PAPPA2: variants seen among roughly 807,000 people sequenced by gnomAD.
PAPPA2 encodes the protein pappalysin 2.
A neutral mutation model predicts 176.4 loss-of-function variants in PAPPA2; 86 were observed. That is an observed-to-expected ratio of 0.49 (90% CI 0.41 to 0.58). The LOEUF (loss-of-function observed/expected upper bound fraction) is 0.58, where lower values mean the gene tolerates loss of function less well. Ranked by LOEUF, PAPPA2 falls within the 20% of genes least tolerant of loss-of-function variation. PAPPA2 has a pLI of 0.00. For synonymous variants in PAPPA2, 809 were observed against 852.2 expected, an observed-to-expected ratio of 0.95 and a Z score of 0.88; for missense variants, 2,073 against 2,256.9, an observed-to-expected ratio of 0.92 and a Z score of 1.65.
chr1:176,547,124 T>A (rs1650679484), intron 1 of PAPPA2, among the ~76,000 whole-genome samples: 1 of 152,236 alleles, frequency 6.6e-6, no homozygotes, highest in South Asian at 2.1e-4. Flanking sequence ...TAATATTTCA[T>A]GAATCCTTTG....
chr1:176,560,482 C>T (rs528735801), intron 2 of PAPPA2, among the ~76,000 whole-genome samples: 27 of 152,310 alleles, frequency 1.8e-4, no homozygotes, highest in Admixed American at 9.8e-4. Context: ...TTTCCCATAG[C>T]GGAGACAGAA....
Position 176,693,198 on chromosome 1 carries a change from G to A in PAPPA2, c.2624+880G>A, listed in dbSNP as rs144873735. Among the ~76,000 whole-genome samples the A allele has an allele frequency of 3.3e-5, 5 of 152,294 alleles. No individual in the cohort carries two copies. The East Asian group carries it at 5.8e-4, about 18-fold the overall frequency. ...AACCTACTGCTGTATTCTGAATGACGACAGTCCCTGATCTATTTGTGGCAC... is the reference window on the plus strand; with the variant it reads ...AACCTACTGCTGTATTCTGAATGACAACAGTCCCTGATCTATTTGTGGCAC... On this transcript the variant is annotated intron_variant, in intron 6 of 22. Coordinates refer to ENST00000367662, the MANE Select transcript of PAPPA2 (RefSeq NM_020318.3).
intron 12 of PAPPA2, among the ~76,000 whole-genome samples, chr1:176,728,868 G>A (rs1017943809): frequency 6.6e-6 from 1 of 151,690 alleles, no homozygotes; most frequent in Non-Finnish European, 1.5e-5. Context: ...TACTTTAAAG[G>A]CAATGAGACT....
rs749736695 is a variant in PAPPA2 at position 176,557,206 on chromosome 1, C to T, written c.884C>T (p.Pro295Leu). ...TTCACAGTGGAAGCCTGGGTTAAACCGGAGGGAGGACAGAACAACCCAGCC... is the reference window on the plus strand; with the variant it reads ...TTCACAGTGGAAGCCTGGGTTAAACTGGAGGGAGGACAGAACAACCCAGCC... ...EAFTVEAWVK[P>L]EGGQNNPAII... Residue 295 changes from proline to leucine, a missense_variant, in exon 2 of 23, where the codon CCG (proline) becomes CTG (leucine). By Grantham distance (98) the Pro-to-Leu change is moderately conservative. Transcript: ENST00000367662. 2 of 1,607,268 alleles carry T rather than the reference C, an allele frequency of 1.2e-6. No homozygotes were observed. The highest frequency in any genetic ancestry group is 1.7e-6 in the Non-Finnish European group (2 of 1,177,056).
intron 3 of PAPPA2, among the ~76,000 whole-genome samples, chr1:176,653,044 G>A (rs1262734869): frequency 6.6e-6 from 1 of 151,710 alleles, no homozygotes; most frequent in Non-Finnish European, 1.5e-5. Flanking sequence ...AAATGAAGAT[G>A]TCACTTCTTA....
chr1:176,831,413 G>GA (rs1248800903), intron 21 of PAPPA2, among the ~76,000 whole-genome samples: 1 of 152,192 alleles, frequency 6.6e-6, no homozygotes, highest in East Asian at 1.9e-4. Flanking sequence ...CCTGTGCAGG[G>GA]ATGTTCTGTC....
chr1:176,724,490 G>A (rs1021949682), intron 12 of PAPPA2, among the ~76,000 whole-genome samples: 3 of 152,066 alleles, frequency 2.0e-5, no homozygotes, highest in Non-Finnish European at 4.4e-5. Flanking sequence ...GTTTATTTTC[G>A]TGGCTCCTCT....
At position 176,842,552 on chromosome 1, in the gene PAPPA2, G is replaced by T; in HGVS notation, c.*98G>T. The T allele has an allele frequency of 9.1e-7, 1 of 1,096,398 alleles. No individual in the cohort carries two copies. Among genetic ancestry groups the T allele is most frequent in the Non-Finnish European group, 1.4e-6 (1 of 735,736 alleles). 67.9% of individuals were successfully genotyped at this position (1,096,398 alleles called of 1,614,324 possible). On this transcript the variant is annotated 3_prime_UTR_variant, in exon 23 of 23. Transcript: ENST00000367662. ...AGGGTGAATGAAGAAGAACAATCAT[G>T]AAATGGAAGAAGGAGGAAGAGCATG... is the stretch of plus-strand genomic sequence containing the variant.
intron 3 of PAPPA2, among the ~76,000 whole-genome samples, chr1:176,609,872 T>A (rs1654814765): frequency 6.6e-6 from 1 of 152,184 alleles, no homozygotes; most frequent in Non-Finnish European, 1.5e-5. Flanking sequence ...TAAGTGGAAG[T>A]GTTTGCATTG....
chr1:176,472,336 T>C (rs1651917635), intron 1 of PAPPA2, among the ~76,000 whole-genome samples: 1 of 152,208 alleles, frequency 6.6e-6, no homozygotes, highest in Admixed American at 6.5e-5. Context: ...TTTCAAGCCA[T>C]TGTAATCATT....
Position 176,690,503 on chromosome 1 carries a change from G to A in PAPPA2, c.2431+73G>A, listed in dbSNP as rs977043444. Reference sequence around the variant, plus strand: ...CTTTGAGAGCTGGGAGGGTGGAGGTGTGGGAGCTGATGGGAGAATGATTAA... The same window carrying A: ...CTTTGAGAGCTGGGAGGGTGGAGGTATGGGAGCTGATGGGAGAATGATTAA... On this transcript the variant is annotated intron_variant, in intron 5 of 22. Transcript: ENST00000367662. 3.2e-6 allele frequency: 5 copies of A among 1,569,712 alleles called. No individual in the cohort carries two copies. In the African/African-American group the frequency reaches 5.4e-5, roughly 17 times the overall value.
intron 4 of PAPPA2, among the ~76,000 whole-genome samples, chr1:176,679,185 T>C (rs1659457669): frequency 6.6e-6 from 1 of 152,242 alleles, no homozygotes. Flanking sequence ...GTTGTTCTTC[T>C]GACGTTCCCT....
intron 3 of PAPPA2, among the ~76,000 whole-genome samples, chr1:176,643,918 G>A (rs911896760): frequency 1.3e-5 from 2 of 151,788 alleles, no homozygotes; most frequent in Non-Finnish European, 2.9e-5. Flanking sequence ...ATCTTTCTAG[G>A]CACCAACTCT....
chr1:176,638,290 G>A (rs6670258), intron 3 of PAPPA2, among the ~76,000 whole-genome samples: 37,971 of 151,634 alleles, frequency 0.25, 4,885 homozygotes, highest in South Asian at 0.33. Flanking sequence ...CAAACACAAT[G>A]CACATTAGAA....
At chr1:176,652,777 C>T (rs990064488) in intron 3 of PAPPA2, among the ~76,000 whole-genome samples, 41 of 151,604 alleles carry the variant, frequency 2.7e-4, no homozygotes, top group African/African-American at 9.2e-4. Context: ...AATTGTCCAC[C>T]TTGATCTTAA....
At chr1:176,695,964 G>GTA (rs1327888387) in intron 7 of PAPPA2, 105 bp downstream of exon 7, 4 of 1,254,822 alleles carry the variant, frequency 3.2e-6, no homozygotes, top group Admixed American at 1.9e-5. Context: ...CAATGTATGT[G>GTA]TATGTGTGTG....
At chr1:176,529,911 T>G (rs1393932448) in intron 1 of PAPPA2, among the ~76,000 whole-genome samples, 1 of 152,192 alleles carries the variant, frequency 6.6e-6, no homozygotes, top group Non-Finnish European at 1.5e-5. Context: ...TAAAGAGTTT[T>G]TCTCCTCTAA....
At chr1:176,545,807 A>C (rs1247575649) in intron 1 of PAPPA2, among the ~76,000 whole-genome samples, 2 of 152,040 alleles carry the variant, frequency 1.3e-5, no homozygotes, top group Non-Finnish European at 2.9e-5. Context: ...AGTTTCTCTT[A>C]CTCTTTTTCA....
intron 2 of PAPPA2, among the ~76,000 whole-genome samples, chr1:176,582,218 C>T (rs1273459490): frequency 1.3e-5 from 2 of 152,096 alleles, no homozygotes; most frequent in Non-Finnish European, 2.9e-5. Flanking sequence ...TGAGCCACCG[C>T]GCCCGGCCTA....
Sources: allele counts gnomAD v4.1 joint callset (sites outside exome capture counted in the v4.1 genomes callset), GRCh38; gene constraint gnomAD v4.1.1; transcripts MANE v1.5; gene names NCBI Gene and HGNC (gene_info 2026-07-23, HGNC 2026-07-21).